LRMDA: variants seen among roughly 807,000 people sequenced by gnomAD.
The protein encoded by LRMDA is leucine-rich melanocyte differentiation-associated protein.
A neutral mutation model predicts 29.8 loss-of-function variants in LRMDA; 18 were observed. The ratio of observed to expected loss-of-function variants is 0.60; its 90% CI spans 0.42 to 0.90. LRMDA has a LOEUF of 0.90. Ranked by LOEUF, LRMDA falls within the 40% of genes least tolerant of loss-of-function variation. The probability of loss-of-function intolerance (pLI) is 0.00; values close to 1 mark genes in which losing one functional copy is unlikely to be tolerated. For missense variants in LRMDA, 273 were observed against 273.9 expected, an observed-to-expected ratio of 1.00 and a Z score of 0.02; for synonymous variants, 125 against 109.4, an observed-to-expected ratio of 1.14 and a Z score of -0.89.
At chr10:75,836,074 C>A (rs947828299) in intron 2 of LRMDA, among the ~76,000 whole-genome samples, 1 of 151,974 alleles carries the variant, frequency 6.6e-6, no homozygotes, top group Non-Finnish European at 1.5e-5. Flanking sequence ...GGGTTCAGGG[C>A]GACTTAAATG....
intron 2 of LRMDA, among the ~76,000 whole-genome samples, chr10:75,702,510 C>G (rs1204868288): frequency 6.6e-6 from 1 of 152,154 alleles, no homozygotes; most frequent in Non-Finnish European, 1.5e-5. Flanking sequence ...CTGTCATCCC[C>G]TTTACCCTAT....
intron 2 of LRMDA, among the ~76,000 whole-genome samples, chr10:75,876,789 G>A (rs1045418570): frequency 1.3e-5 from 2 of 152,086 alleles, no homozygotes; most frequent in African/African-American, 2.4e-5. Flanking sequence ...CAATAACTAC[G>A]ATTAAGTGCT....
chr10:75,722,502 C>T (rs1842580447), intron 2 of LRMDA, among the ~76,000 whole-genome samples: 1 of 152,056 alleles, frequency 6.6e-6, no homozygotes, highest in Non-Finnish European at 1.5e-5. Context: ...ACTTTCTACT[C>T]CCCAGCAAGT....
intron 5 of LRMDA, among the ~76,000 whole-genome samples, chr10:76,157,706 G>A (rs1337704692): frequency 6.6e-6 from 1 of 151,892 alleles, no homozygotes. Flanking sequence ...TTTAGCATTA[G>A]TGACAATAAA....
At chr10:76,117,043 C>G (rs1194276275) in intron 5 of LRMDA, among the ~76,000 whole-genome samples, 1 of 152,072 alleles carries the variant, frequency 6.6e-6, no homozygotes, top group Non-Finnish European at 1.5e-5. Flanking sequence ...TGACCAGCCC[C>G]CTACATCTGC....
intron 5 of LRMDA, among the ~76,000 whole-genome samples, chr10:76,311,223 G>A (rs1389730500): frequency 2.0e-5 from 3 of 152,154 alleles, no homozygotes; most frequent in African/African-American, 7.2e-5. Context: ...CAAAACTCAA[G>A]TTTATTTGGG....
At chr10:76,079,345 C>A (rs954203271) in intron 5 of LRMDA, among the ~76,000 whole-genome samples, 1 of 152,122 alleles carries the variant, frequency 6.6e-6, no homozygotes, top group Non-Finnish European at 1.5e-5. Flanking sequence ...GTTGGGTGTG[C>A]AGTTTTGCAC....
intron 6 of LRMDA, among the ~76,000 whole-genome samples, chr10:76,371,099 G>A (rs1318751459): frequency 6.6e-6 from 1 of 152,214 alleles, no homozygotes; most frequent in Non-Finnish European, 1.5e-5. Context: ...GGACCTGCAA[G>A]AGTTCTAAAA....
At chr10:75,730,846 A>C (rs1479304927) in intron 2 of LRMDA, among the ~76,000 whole-genome samples, 1 of 152,110 alleles carries the variant, frequency 6.6e-6, no homozygotes, top group Non-Finnish European at 1.5e-5. Flanking sequence ...ATATAAAATT[A>C]AATATATAGG....
At chr10:75,992,322 G>A (rs557066602) in intron 2 of LRMDA, among the ~76,000 whole-genome samples, 1 of 152,300 alleles carries the variant, frequency 6.6e-6, no homozygotes, top group South Asian at 2.1e-4. Flanking sequence ...TACATGTAAA[G>A]TAGCAAAGGA....
At chr10:75,997,718 C>A (rs1847494570) in intron 2 of LRMDA, among the ~76,000 whole-genome samples, 1 of 152,212 alleles carries the variant, frequency 6.6e-6, no homozygotes, top group Non-Finnish European at 1.5e-5. Context: ...GCACTCTTAC[C>A]ACCTGGGAGG....
intron 6 of LRMDA, among the ~76,000 whole-genome samples, chr10:76,451,980 A>G (rs1842412596): frequency 1.3e-5 from 2 of 152,230 alleles, no homozygotes; most frequent in Admixed American, 6.5e-5. Flanking sequence ...TTACCCATTT[A>G]TAATTATTTT....
chr10:76,288,260 T>C (rs1840296550), intron 5 of LRMDA, among the ~76,000 whole-genome samples: 2 of 152,182 alleles, frequency 1.3e-5, no homozygotes, highest in African/African-American at 4.8e-5. Context: ...AGAATTACCA[T>C]TTGACCCAAC....
Position 76,302,794 on chromosome 10 carries a change from T to G in LRMDA, c.517-21607T>G, listed in dbSNP as rs564095619. ...CACAAATTTGTATAGAAGTGTTTTG[T>G]GTGACCACTTATTTCTGCAAGTCCT... is the stretch of plus-strand genomic sequence containing the variant. On this transcript the variant is annotated intron_variant, in intron 5 of 6. Transcript: ENST00000611255. 2.3e-4 allele frequency among the ~76,000 whole-genome samples: 35 copies of G among 152,352 alleles called. 1 individual carries two copies. The South Asian group carries it at 3.1e-3, about 14-fold the overall frequency.
At chr10:75,431,813 G>A in intron 1 of LRMDA, 59 bp downstream of exon 1, 1 of 1,285,892 alleles carries the variant, frequency 7.8e-7, no homozygotes, top group Non-Finnish European at 9.8e-7. Flanking sequence ...GAGGGACAGC[G>A]GGGCACAGAG....
intron 2 of LRMDA, among the ~76,000 whole-genome samples, chr10:75,930,522 T>G (rs1033062013): frequency 5.9e-5 from 9 of 152,200 alleles, no homozygotes; most frequent in Non-Finnish European, 1.2e-4. Context: ...TAAGCAGACA[T>G]TCGATGATGG....
intron 5 of LRMDA, among the ~76,000 whole-genome samples, chr10:76,111,060 G>C (rs1489399580): frequency 6.6e-6 from 1 of 151,788 alleles, no homozygotes; most frequent in African/African-American, 2.4e-5. Context: ...TGCCACATCT[G>C]AAATCCCTTC....
intron 6 of LRMDA, among the ~76,000 whole-genome samples, chr10:76,373,607 A>G (rs1589155772): frequency 6.6e-6 from 1 of 152,126 alleles, no homozygotes; most frequent in Non-Finnish European, 1.5e-5. Flanking sequence ...ATTGGTTTTG[A>G]GTCTTCCCAA....
chr10:75,811,842 C>G (rs904126721), intron 2 of LRMDA, among the ~76,000 whole-genome samples: 2 of 152,152 alleles, frequency 1.3e-5, no homozygotes, highest in Non-Finnish European at 2.9e-5. Context: ...TGTGGACATG[C>G]ATTTTTCATC....
Sources: allele counts gnomAD v4.1 joint callset (sites outside exome capture counted in the v4.1 genomes callset), GRCh38; gene constraint gnomAD v4.1.1; transcripts MANE v1.5; gene names NCBI Gene and HGNC (gene_info 2026-07-23, HGNC 2026-07-21).